Variants in COL19A1 observed in about 807,000 individuals in gnomAD.
COL19A1 encodes collagen alpha-1(XIX) chain.
COL19A1 carries 159 observed loss-of-function variants against 190.2 expected under a neutral mutation model. The observed-to-expected ratio is 0.84, with a 90% CI of 0.73 to 0.95. COL19A1 has a LOEUF of 0.95. Ranked by LOEUF, COL19A1 falls within the 40% of genes least tolerant of loss-of-function variation. COL19A1 has a pLI of 0.00. For synonymous variants in COL19A1, 509 were observed against 458.9 expected (o/e 1.11, Z -1.39); for missense variants, 1,418 against 1,431.9 (o/e 0.99, Z 0.16).
At chr6:69,871,526 A>G (rs1767820221) in intron 1 of COL19A1, among the ~76,000 whole-genome samples, 1 of 152,238 alleles carries the variant, frequency 6.6e-6, no homozygotes, top group African/African-American at 2.4e-5. Context: ...TGCCATGTAC[A>G]TTAAATGTAA....
chr6:70,029,621 A>G (rs1778920710), intron 12 of COL19A1, among the ~76,000 whole-genome samples: 1 of 152,154 alleles, frequency 6.6e-6, no homozygotes, highest in South Asian at 2.1e-4. Flanking sequence ...GCATTTGAGA[A>G]AAGCATTACT....
At chr6:70,068,693 T>C (rs1441007765) in intron 15 of COL19A1, among the ~76,000 whole-genome samples, 2 of 152,032 alleles carry the variant, frequency 1.3e-5, no homozygotes, top group African/African-American at 2.4e-5. Context: ...TGTAGAGATA[T>C]TGTTTGGATA....
intron 4 of COL19A1, among the ~76,000 whole-genome samples, chr6:69,922,130 G>C (rs1400718650): frequency 6.6e-6 from 1 of 151,790 alleles, no homozygotes; most frequent in Non-Finnish European, 1.5e-5. Flanking sequence ...TAGTTTGTAA[G>C]AGTAGATTTT....
chr6:70,058,522 G>C (rs183825038), intron 14 of COL19A1, among the ~76,000 whole-genome samples: 2 of 151,994 alleles, frequency 1.3e-5, no homozygotes, highest in Non-Finnish European at 2.9e-5. Flanking sequence ...TGGAAGAGAC[G>C]CTAGTGTTCC....
At position 70,195,160 on chromosome 6, in the gene COL19A1, T is replaced by TATAC. The variant is rs1371538598; in HGVS notation, c.3095-4445_3095-4444insCATA. 4.3e-4 allele frequency among the ~76,000 whole-genome samples: 62 copies of TATAC among 144,942 alleles called. No individual in the cohort carries two copies. The East Asian group carries it at 0.012, about 28-fold the overall frequency. ...TGATATATATATATATATATATATA[T>TATAC]ATAAAGAGTTAAAAAATATATTTTC... On this transcript the variant is annotated intron_variant, in intron 48 of 50. Transcript: ENST00000620364.
chr6:70,201,750 T>C (rs997003584), intron 49 of COL19A1, among the ~76,000 whole-genome samples: 5 of 152,222 alleles, frequency 3.3e-5, no homozygotes, highest in Non-Finnish European at 7.3e-5. Context: ...TTAAGGAATA[T>C]GTGTTTCTTA....
At chr6:70,115,085 C>T (rs891233510) in intron 16 of COL19A1, among the ~76,000 whole-genome samples, 18 of 152,200 alleles carry the variant, frequency 1.2e-4, no homozygotes, top group African/African-American at 3.9e-4. Flanking sequence ...CTCAGCCTAA[C>T]GGTGGTGGAG....
intron 15 of COL19A1, among the ~76,000 whole-genome samples, chr6:70,088,673 G>A (rs1031289097): frequency 1.3e-5 from 2 of 151,686 alleles, no homozygotes; most frequent in Non-Finnish European, 2.9e-5. Flanking sequence ...TTATTTTTTT[G>A]TGCAGAACAA....
In COL19A1 at chr6:69,936,927, T is replaced by C; in HGVS notation, c.873+17T>C. On this transcript the variant is annotated intron_variant, in intron 8 of 50. Transcript: ENST00000620364. ...CCAAACAAGGTATGCTAGTTTTAAT[T>C]GGTGCACACTGAAAGCCACTCCAGA... The C allele has an allele frequency of 1.9e-6, 3 of 1,611,428 alleles. No individual in the cohort carries two copies. Among genetic ancestry groups the C allele is most frequent in the Non-Finnish European group, 1.7e-6 (2 of 1,178,212 alleles).
intron 14 of COL19A1, among the ~76,000 whole-genome samples, chr6:70,036,444 A>G (rs1779355855): frequency 1.3e-5 from 2 of 152,348 alleles, no homozygotes; most frequent in South Asian, 4.1e-4. Flanking sequence ...ATAAAATTGC[A>G]ATATTTTAGT....
intron 33 of COL19A1, 79 bp from the exon 34 acceptor site, chr6:70,156,590 GT>G: frequency 1.4e-6 from 2 of 1,467,178 alleles, no homozygotes; most frequent in Non-Finnish European, 1.9e-6. Context: ...TGCCCCAAGT[GT>G]TCTTAGAAGA....
At chr6:70,116,079 T>C (rs552225557) in intron 16 of COL19A1, among the ~76,000 whole-genome samples, 1 of 152,228 alleles carries the variant, frequency 6.6e-6, no homozygotes, top group African/African-American at 2.4e-5. Context: ...ATTGATTTTT[T>C]CCCCCAGAAT....
At chr6:70,006,514 G>A (rs960565767) in intron 11 of COL19A1, among the ~76,000 whole-genome samples, 23 of 152,212 alleles carry the variant, frequency 1.5e-4, no homozygotes, top group Admixed American at 5.2e-4. Context: ...CTTGGTTGCC[G>A]GTGAAGGATT....
At chr6:70,061,538 A>AT (rs1317718602) in intron 14 of COL19A1, among the ~76,000 whole-genome samples, 1 of 152,014 alleles carries the variant, frequency 6.6e-6, no homozygotes, top group African/African-American at 2.4e-5. Flanking sequence ...TATCATAAAT[A>AT]TTTTTTGCGT....
At chr6:69,877,748 T>C (rs1224171587) in intron 1 of COL19A1, among the ~76,000 whole-genome samples, 1 of 152,052 alleles carries the variant, frequency 6.6e-6, no homozygotes, top group Non-Finnish European at 1.5e-5. Context: ...AGGCTGGGCA[T>C]GGTGGCTCAT....
intron 1 of COL19A1, among the ~76,000 whole-genome samples, chr6:69,872,036 C>G (rs530777460): frequency 1.3e-5 from 2 of 152,084 alleles, no homozygotes; most frequent in Non-Finnish European, 2.9e-5. Context: ...AGACTTGTCT[C>G]GAACTCCTGA....
chr6:70,139,032 A>C (rs1786063863), intron 19 of COL19A1, among the ~76,000 whole-genome samples: 1 of 152,044 alleles, frequency 6.6e-6, no homozygotes, highest in Non-Finnish European at 1.5e-5. Context: ...ACCTTCTCTT[A>C]ATTTCCACAT....
chr6:70,207,364 CTTTTTTTTTTTTT>C lies in COL19A1; in HGVS notation c.*101_*113del. On this transcript the variant is annotated 3_prime_UTR_variant, in exon 51 of 51. Transcript: ENST00000620364. ...TCAAACCCTCATCATCTGTGGGTTG[CTTTTTTTTTTTTT>C]TTTTTTTTTTGGGAGTAAGCCAGGC... 1.7e-5 allele frequency: 3 copies of C among 176,746 alleles called. No individual in the cohort carries two copies. The highest frequency in any genetic ancestry group is 1.8e-4 in the South Asian group (1 of 5,670). 10.9% of individuals were successfully genotyped at this position (176,746 alleles called of 1,614,324 possible). A position where few individuals can be genotyped will look rare whatever the true frequency, so the allele number is the denominator to read the frequency against.
At chr6:69,869,563 T>G (rs923988848) in intron 1 of COL19A1, among the ~76,000 whole-genome samples, 3 of 150,534 alleles carry the variant, frequency 2.0e-5, no homozygotes, top group African/African-American at 7.4e-5. Context: ...TGAAAAAAAA[T>G]GGGAAAAAGG....
Sources: gnomAD v4.1 joint callset for allele counts (sites outside exome capture counted in the v4.1 genomes callset) on GRCh38, gnomAD v4.1.1 for gene constraint, MANE v1.5 for transcripts, NCBI Gene and HGNC (gene_info 2026-07-23, HGNC 2026-07-21) for gene names.